MAGI1: variants seen among roughly 807,000 people sequenced by gnomAD.
MAGI1 encodes membrane-associated guanylate kinase, WW and PDZ domain-containing protein 1.
Under a neutral mutation model 139.9 loss-of-function variants are expected in MAGI1, and 58 were observed. The ratio of observed to expected loss-of-function variants is 0.41; its 90% CI spans 0.34 to 0.52. MAGI1 has a LOEUF of 0.52. MAGI1 is among the 20% of genes least tolerant of loss of function. MAGI1 has a pLI of 0.12. For synonymous variants in MAGI1, 812 were observed against 737.9 expected, an observed-to-expected ratio of 1.10 and a Z score of -1.63; for missense variants, 1,874 against 1,901.6, an observed-to-expected ratio of 0.99 and a Z score of 0.27.
intron 22 of MAGI1, chr3:65,359,104 C>T (rs778591970): frequency 3.1e-6 from 5 of 1,614,072 alleles, no homozygotes; most frequent in Non-Finnish European, 4.2e-6. Flanking sequence ...GCAAGCCTCC[C>T]CGAGCTTTTC....
intron 1 of MAGI1, among the ~76,000 whole-genome samples, chr3:66,021,179 T>C (rs2067940224): frequency 6.6e-6 from 1 of 152,184 alleles, no homozygotes; most frequent in African/African-American, 2.4e-5. Flanking sequence ...CAGTACAATG[T>C]AAAATTCAGT....
At chr3:65,698,677 A>G (rs1222146279) in intron 1 of MAGI1, among the ~76,000 whole-genome samples, 1 of 151,720 alleles carries the variant, frequency 6.6e-6, no homozygotes, top group Non-Finnish European at 1.5e-5. Flanking sequence ...AGCCATATGT[A>G]GAAAGCTGAA....
At chr3:65,717,091 CATGA>C (rs2032357568) in intron 1 of MAGI1, among the ~76,000 whole-genome samples, 1 of 152,142 alleles carries the variant, frequency 6.6e-6, no homozygotes, top group Non-Finnish European at 1.5e-5. Flanking sequence ...GGGCAAATCA[CATGA>C]ATCTTTTAAA....
At position 65,375,333 on chromosome 3, in the gene MAGI1, C is replaced by A. The variant is rs569642712; in HGVS notation, c.3196+412G>T. Among the ~76,000 whole-genome samples, 3 of 152,174 alleles carry A rather than the reference C, an allele frequency of 2.0e-5. No homozygotes were observed. The East Asian group carries it at 5.8e-4, about 30-fold the overall frequency. The stretch of plus-strand genomic sequence containing the variant: ...CCTCCCGAGCAGCTGGGACTACAGG[C>A]GCCCGCCACCGCGCCCGGCTAATTT... On this transcript the variant is annotated intron_variant, in intron 18 of 22. Transcript: ENST00000402939.
At chr3:65,482,084 T>C (rs917899216) in intron 3 of MAGI1, among the ~76,000 whole-genome samples, 1 of 152,164 alleles carries the variant, frequency 6.6e-6, no homozygotes, top group Non-Finnish European at 1.5e-5. Context: ...GAGTGGCCCA[T>C]GAGCAATACT....
chr3:65,755,836 T>G (rs1367565882), intron 1 of MAGI1, among the ~76,000 whole-genome samples: 1 of 152,176 alleles, frequency 6.6e-6, no homozygotes. Context: ...TAGTTCTAAT[T>G]TAAGAAAACT....
At chr3:66,032,193 T>C (rs1199011705) in intron 1 of MAGI1, among the ~76,000 whole-genome samples, 1 of 148,072 alleles carries the variant, frequency 6.8e-6, no homozygotes, top group Non-Finnish European at 1.5e-5. Flanking sequence ...ATCCAACCAA[T>C]TTTAGTGAGC....
chr3:65,643,874 C>A (rs970407381), intron 1 of MAGI1, among the ~76,000 whole-genome samples: 9 of 152,152 alleles, frequency 5.9e-5, no homozygotes, highest in African/African-American at 1.9e-4. Context: ...TTGGGGTCAC[C>A]TAATCTCTGC....
chr3:65,531,920 C>A (rs1007627695), intron 2 of MAGI1, among the ~76,000 whole-genome samples: 1 of 152,156 alleles, frequency 6.6e-6, no homozygotes, highest in African/African-American at 2.4e-5. Flanking sequence ...AAAGAATTAG[C>A]CATCACTATT....
intron 1 of MAGI1, among the ~76,000 whole-genome samples, chr3:65,644,898 G>A (rs2085173450): frequency 6.6e-6 from 1 of 151,796 alleles, no homozygotes; most frequent in African/African-American, 2.4e-5. Flanking sequence ...TTGGGAGGCT[G>A]AGGTAGGAGA....
intron 2 of MAGI1, among the ~76,000 whole-genome samples, chr3:65,500,031 C>CAA (rs57062285): frequency 1.3e-5 from 2 of 152,020 alleles, no homozygotes; most frequent in South Asian, 2.1e-4. Flanking sequence ...TTAGTCCTCA[C>CAA]AAAAAAACAT....
chr3:65,691,642 T>C (rs1427096506), intron 1 of MAGI1, among the ~76,000 whole-genome samples: 1 of 152,214 alleles, frequency 6.6e-6, no homozygotes, highest in East Asian at 1.9e-4. Flanking sequence ...TATTCTAGTC[T>C]ACTGCTGTAT....
At chr3:65,983,988 G>T (rs944718874) in intron 1 of MAGI1, among the ~76,000 whole-genome samples, 2 of 152,140 alleles carry the variant, frequency 1.3e-5, no homozygotes, top group Non-Finnish European at 2.9e-5. Context: ...TAGTAATTGA[G>T]TGCCTTCTTA....
At chr3:65,534,035 T>C (rs1350676830) in intron 2 of MAGI1, among the ~76,000 whole-genome samples, 1 of 152,206 alleles carries the variant, frequency 6.6e-6, no homozygotes, top group African/African-American at 2.4e-5. Context: ...TGCAAGCTTG[T>C]GAGACAGAGA....
intron 2 of MAGI1, among the ~76,000 whole-genome samples, chr3:65,621,120 G>A (rs2083645680): frequency 6.6e-6 from 1 of 152,104 alleles, no homozygotes; most frequent in East Asian, 1.9e-4. Context: ...TTCAAAAAAT[G>A]GTATGTCTAG....
intron 5 of MAGI1, among the ~76,000 whole-genome samples, chr3:65,460,587 T>G (rs1211310170): frequency 6.6e-6 from 1 of 152,176 alleles, no homozygotes. Context: ...GGGATACATG[T>G]GCAGAACATG....
chr3:65,846,983 A>AAAAAAC (rs2059024741), intron 1 of MAGI1, among the ~76,000 whole-genome samples: 1 of 147,380 alleles, frequency 6.8e-6, no homozygotes, highest in Admixed American at 7.1e-5. Context: ...TTACAAAAAA[A>AAAAAAC]AAAAAAAAAA....
intron 1 of MAGI1, among the ~76,000 whole-genome samples, chr3:65,792,880 G>A (rs980763641): frequency 2.0e-5 from 3 of 152,206 alleles, no homozygotes; most frequent in East Asian, 1.9e-4. Context: ...ATGGATTGGC[G>A]CGGGGGAGGG....
intron 1 of MAGI1, among the ~76,000 whole-genome samples, chr3:65,658,881 T>C (rs2086033649): frequency 6.6e-6 from 1 of 152,208 alleles, no homozygotes; most frequent in African/African-American, 2.4e-5. Flanking sequence ...TTTTGACATA[T>C]CCACATGAGC....
Sources: allele counts gnomAD v4.1 joint callset (sites outside exome capture counted in the v4.1 genomes callset), GRCh38; gene constraint gnomAD v4.1.1; transcripts MANE v1.5; gene names NCBI Gene and HGNC (gene_info 2026-07-23, HGNC 2026-07-21).